LAMA4: variants seen among roughly 807,000 people sequenced by gnomAD.
LAMA4 encodes laminin subunit alpha 4.
Under a neutral mutation model 207.1 loss-of-function variants are expected in LAMA4, and 127 were observed. The ratio of observed to expected loss-of-function variants is 0.61; its 90% CI spans 0.53 to 0.71. The LOEUF (loss-of-function observed/expected upper bound fraction) is 0.71, where lower values mean the gene tolerates loss of function less well. Among genes scored for constraint, LAMA4 ranks in the 30% least tolerant of loss-of-function variants. The pLI is 0.00. For synonymous variants in LAMA4, 761 were observed against 816.0 expected, an observed-to-expected ratio of 0.93 and a Z score of 1.15; for missense variants, 2,093 against 2,246.5, an observed-to-expected ratio of 0.93 and a Z score of 1.38.
intron 2 of LAMA4, chr6:112,253,687 G>A (rs1787625771): frequency 4.6e-6 from 7 of 1,531,716 alleles, no homozygotes; most frequent in Non-Finnish European, 5.4e-6. Context: ...CCCGGTGAGA[G>A]TCTAGCGGAT....
At chr6:112,158,635 G>A (rs1780868026) in intron 14 of LAMA4, 97 bp downstream of exon 14, 7 of 1,249,062 alleles carry the variant, frequency 5.6e-6, no homozygotes, top group Non-Finnish European at 8.2e-6. Context: ...AATCAACCTG[G>A]TAAAATTGTA....
At position 112,134,619 on chromosome 6, in the gene LAMA4, A is replaced by T; in HGVS notation, c.3415-10T>A. 6.3e-7 allele frequency: 1 copy of T among 1,595,510 alleles called. No individual in the cohort carries two copies. Among genetic ancestry groups the T allele is most frequent in the South Asian group, 1.1e-5 (1 of 90,720 alleles). On this transcript the variant is annotated splice_polypyrimidine_tract_variant and intron_variant, in intron 25 of 38. Coordinates refer to ENST00000230538, the MANE Select transcript of LAMA4 (RefSeq NM_001105206.3). ...GGTAAATGATTGAGATCTGGGAGAG[A>T]TAATATATAGTAAGCCTTGATTAAC...
chr6:112,119,394 T>C (rs1778215383), intron 33 of LAMA4, 83 bp from the exon 34 acceptor site: 2 of 1,440,826 alleles, frequency 1.4e-6, no homozygotes, highest in Admixed American at 1.7e-5. Flanking sequence ...CTTCCAACTT[T>C]GCTATTGCAA....
intron 30 of LAMA4, among the ~76,000 whole-genome samples, chr6:112,129,429 C>G (rs1778896886): frequency 6.6e-6 from 1 of 152,080 alleles, no homozygotes; most frequent in Admixed American, 6.6e-5. Flanking sequence ...TTGTTAAGGA[C>G]CTAGATTAAT....
chr6:112,205,436 C>T (rs75628159), intron 4 of LAMA4, among the ~76,000 whole-genome samples: 7,829 of 151,868 alleles, frequency 0.052, 312 homozygotes, highest in Non-Finnish European at 0.078. Flanking sequence ...TGAACCCAGG[C>T]TTCTTGACTT....
chr6:112,224,813 CAAAAAAAAAAA>C (rs782785024), intron 2 of LAMA4, among the ~76,000 whole-genome samples: 1 of 68,002 alleles, frequency 1.5e-5, no homozygotes, highest in Non-Finnish European at 2.8e-5. Context: ...AAGACTGTCT[CAAAAAAAAAAA>C]AAAAAAAAAA....
intron 31 of LAMA4, among the ~76,000 whole-genome samples, chr6:112,124,958 T>C (rs1778600692): frequency 6.6e-6 from 1 of 152,152 alleles, no homozygotes; most frequent in Non-Finnish European, 1.5e-5. Context: ...GGTTTCACCA[T>C]GTTGGCCAGG....
intron 19 of LAMA4, among the ~76,000 whole-genome samples, chr6:112,142,988 T>C (rs73532640): frequency 0.042 from 6,454 of 152,250 alleles, 456 homozygotes; most frequent in African/African-American, 0.15. Context: ...AGGTGCCTCT[T>C]ATAATGGCTC....
chr6:112,190,947 C>CTTTCCTTCCTTTCTTTCTTTCTTTCTTT (rs1491586717), intron 6 of LAMA4, among the ~76,000 whole-genome samples: 1 of 40,472 alleles, frequency 2.5e-5, no homozygotes, highest in African/African-American at 1.1e-4. Context: ...TTCTTTCTTT[C>CTTTCCTTCCTTTCTTTCTTTCTTTCTTT]CTTTCTTTCT....
At chr6:112,120,611 A>T in intron 32 of LAMA4, 139 bp from the exon 33 acceptor site, 1 of 685,626 alleles carries the variant, frequency 1.5e-6, no homozygotes, top group South Asian at 1.8e-5. Flanking sequence ...TTCCACACTT[A>T]GTATTATTAA....
chr6:112,226,726 AT>A, intron 2 of LAMA4, among the ~76,000 whole-genome samples: 1 of 152,362 alleles, frequency 6.6e-6, no homozygotes, highest in African/African-American at 2.4e-5. Flanking sequence ...TTGGTAAAGA[AT>A]GAGGCAAGTG....
intron 21 of LAMA4, 113 bp from the exon 22 acceptor site, chr6:112,141,035 T>C: frequency 1.1e-6 from 1 of 907,812 alleles, no homozygotes. Flanking sequence ...GTGACACTAA[T>C]AAGCATTTAC....
intron 35 of LAMA4, among the ~76,000 whole-genome samples, chr6:112,116,534 A>G (rs1467759807): frequency 6.6e-6 from 1 of 152,194 alleles, no homozygotes; most frequent in African/African-American, 2.4e-5. Context: ...CCTGTATTTT[A>G]AAATAATTAT....
chr6:112,199,688 A>T (rs1554351559), intron 5 of LAMA4, among the ~76,000 whole-genome samples: 1 of 152,174 alleles, frequency 6.6e-6, no homozygotes, highest in African/African-American at 2.4e-5. Flanking sequence ...TGAAATAATT[A>T]TCCACATTTT....
chr6:112,241,618 G>A (rs1786521248), intron 2 of LAMA4, among the ~76,000 whole-genome samples: 1 of 152,058 alleles, frequency 6.6e-6, no homozygotes, highest in South Asian at 2.1e-4. Flanking sequence ...TTCCTCTTGG[G>A]GTTGTTATGA....
intron 9 of LAMA4, 155 bp from the exon 10 acceptor site, chr6:112,178,387 G>T: frequency 1.5e-6 from 1 of 661,922 alleles, no homozygotes. Flanking sequence ...CAAAAATAAT[G>T]CATGAAAGGT....
intron 17 of LAMA4, among the ~76,000 whole-genome samples, chr6:112,149,616 C>T (rs1243619914): frequency 6.6e-6 from 1 of 152,208 alleles, no homozygotes; most frequent in Admixed American, 6.5e-5. Flanking sequence ...CCTCCCCAGC[C>T]ATGCAGAACT....
intron 2 of LAMA4, among the ~76,000 whole-genome samples, chr6:112,250,017 G>A (rs1000208755): frequency 6.6e-5 from 10 of 152,152 alleles, no homozygotes; most frequent in African/African-American, 2.4e-4. Context: ...GCAAAGATGA[G>A]ACTATACCTT....
chr6:112,205,451 T>C (rs541932807), intron 4 of LAMA4, among the ~76,000 whole-genome samples: 3 of 151,196 alleles, frequency 2.0e-5, no homozygotes, highest in East Asian at 4.0e-4. Context: ...TGACTTCAAA[T>C]CCCATGGAAA....
Sources: gnomAD v4.1 joint callset for allele counts (sites outside exome capture counted in the v4.1 genomes callset) on GRCh38, gnomAD v4.1.1 for gene constraint, MANE v1.5 for transcripts, NCBI Gene and HGNC (gene_info 2026-07-23, HGNC 2026-07-21) for gene names.